The following NBEA variants were observed in gnomAD, a reference collection of about 807,000 sequenced individuals.
NBEA encodes neurobeachin.
NBEA carries 44 observed loss-of-function variants against 343.4 expected under a neutral mutation model. The ratio of observed to expected loss-of-function variants is 0.13; its 90% CI spans 0.10 to 0.16. The LOEUF is 0.16. Among genes scored for constraint, NBEA ranks in the 10% least tolerant of loss-of-function variants. The probability of loss-of-function intolerance (pLI) is 1.00; values close to 1 mark genes in which losing one functional copy is unlikely to be tolerated. For missense variants in NBEA, 2,555 were observed against 3,631.3 expected, an observed-to-expected ratio of 0.70 and a Z score of 7.62; for synonymous variants, 1,175 against 1,238.7, an observed-to-expected ratio of 0.95 and a Z score of 1.08.
At chr13:35,537,552 G>C (rs1012414083) in intron 41 of NBEA, among the ~76,000 whole-genome samples, 2 of 152,154 alleles carry the variant, frequency 1.3e-5, no homozygotes, top group Non-Finnish European at 2.9e-5. Flanking sequence ...AATTACATTT[G>C]CGGTAAGTGC....
Position 35,280,025 on chromosome 13 carries a change from A to G in NBEA, c.5777-10364A>G, listed in dbSNP as rs572226193. Among the ~76,000 whole-genome samples the G allele has an allele frequency of 8.5e-5, 13 of 152,292 alleles. No homozygotes were observed. In the East Asian group the frequency reaches 1.7e-3, roughly 20 times the overall value. On this transcript the variant is annotated intron_variant, in intron 34 of 58. Transcript: ENST00000379939. The stretch of plus-strand genomic sequence containing the variant: ...TATTTTCTAATTTTTAAATTATTTG[A>G]AATTTATTTTAGTAGAGATTTTATT...
chr13:35,475,674 G>A lies in NBEA; in HGVS notation c.6585+3138G>A, dbSNP rs772884089. ...CTCGGATTCTCAGTTTCACTTCGCT[G>A]GTGTCTGCCACCATCTTTACCACAT... On this transcript the variant is annotated intron_variant, in intron 41 of 58. Coordinates refer to ENST00000379939, the MANE Select transcript of NBEA (RefSeq NM_001385012.1). 13 of 1,613,678 alleles carry A rather than the reference G, an allele frequency of 8.1e-6. No individual in the cohort carries two copies. The South Asian group carries it at 1.4e-4, about 18-fold the overall frequency.
At chr13:35,002,168 A>G (rs1593425318) in intron 1 of NBEA, among the ~76,000 whole-genome samples, 1 of 152,200 alleles carries the variant, frequency 6.6e-6, no homozygotes, top group Non-Finnish European at 1.5e-5. Flanking sequence ...ATCTGAGACC[A>G]GCAGTTGCAG....
chr13:35,369,186 G>A (rs543930397), intron 38 of NBEA, among the ~76,000 whole-genome samples: 45 of 129,708 alleles, frequency 3.5e-4, no homozygotes, highest in African/African-American at 1.3e-3. Flanking sequence ...AAGAGAGTGT[G>A]TGTTTGTGAC....
intron 41 of NBEA, among the ~76,000 whole-genome samples, chr13:35,494,718 CCAATAAAAA>C (rs2076614218): frequency 6.6e-6 from 1 of 151,882 alleles, no homozygotes; most frequent in Non-Finnish European, 1.5e-5. Flanking sequence ...ATTAAACAGT[CCAATAAAAA>C]ATCAGAGACA....
rs2079268821 is a variant in NBEA, at chr13:35,550,559, A to G, written c.6668A>G (p.Gln2223Arg). 2 of 1,613,056 alleles carry G rather than the reference A, an allele frequency of 1.2e-6. No homozygotes were observed. Among genetic ancestry groups the G allele is most frequent in the Admixed American group, 1.7e-5 (1 of 59,968 alleles). ...RAVFSRRYLLQNTALEVFMAN... is the reference protein window; with the variant it reads ...RAVFSRRYLLRNTALEVFMAN... ...GTATTTTCAAGACGTTACCTTCTACAAAACACTGCTTTGGAAGTATTTATG... is the reference window on the plus strand; with the variant it reads ...GTATTTTCAAGACGTTACCTTCTACGAAACACTGCTTTGGAAGTATTTATG... Residue 2223 changes from glutamine to arginine, a missense_variant, in exon 42 of 59, where the codon CAA becomes CGA. Coordinates refer to ENST00000379939, the MANE Select transcript of NBEA (RefSeq NM_001385012.1).
chr13:35,506,975 C>CTGTCCCCCT (rs2077094378), intron 41 of NBEA, among the ~76,000 whole-genome samples: 2 of 152,260 alleles, frequency 1.3e-5, no homozygotes, highest in South Asian at 4.1e-4. Context: ...CTTCTGGCTA[C>CTGTCCCCCT]TGTCCCCCTT....
At position 35,022,597 on chromosome 13, in the gene NBEA, T is replaced by C. The variant is rs543834956; in HGVS notation, c.295-18336T>C. 1.7e-3 allele frequency among the ~76,000 whole-genome samples: 263 copies of C among 152,282 alleles called. 1 individual carries two copies. Among genetic ancestry groups the C allele is most frequent in the African/African-American group, 6.2e-3 (256 of 41,578 alleles). The stretch of plus-strand genomic sequence containing the variant: ...ACAATTATCTAAAATTCATTTATTA[T>C]ACATGTTGATGGGGGCAGATCTTAA... On this transcript the variant is annotated intron_variant, in intron 1 of 58. Coordinates refer to ENST00000379939, the MANE Select transcript of NBEA (RefSeq NM_001385012.1).
intron 1 of NBEA, among the ~76,000 whole-genome samples, chr13:35,021,791 T>C (rs1593492043): frequency 1.3e-5 from 2 of 152,298 alleles, no homozygotes; most frequent in South Asian, 4.1e-4. Flanking sequence ...GTTGTTACTG[T>C]TTTTATTTCT....
At chr13:35,294,163 T>C (rs2035965606) in intron 35 of NBEA, among the ~76,000 whole-genome samples, 1 of 152,066 alleles carries the variant, frequency 6.6e-6, no homozygotes, top group Non-Finnish European at 1.5e-5. Flanking sequence ...AAAAAGAATT[T>C]TAGTGACTTC....
In NBEA at chr13:35,501,442, T is replaced by G. The variant is rs549392099; in HGVS notation, c.6585+28906T>G. On this transcript the variant is annotated intron_variant, in intron 41 of 58. Transcript: ENST00000379939. Reference sequence around the variant, plus strand: ...ATATGACTGTTAATCCTCAAGAATATTTGGGCTCTCCATTTTTAAAAATGT... The same window carrying G: ...ATATGACTGTTAATCCTCAAGAATAGTTGGGCTCTCCATTTTTAAAAATGT... 2.0e-5 allele frequency among the ~76,000 whole-genome samples: 3 copies of G among 152,274 alleles called. No individual in the cohort carries two copies. The East Asian group carries it at 5.8e-4, about 29-fold the overall frequency.
intron 2 of NBEA, among the ~76,000 whole-genome samples, chr13:35,044,136 ACACT>A (rs1214527336): frequency 2.0e-5 from 3 of 152,156 alleles, no homozygotes; most frequent in South Asian, 2.1e-4. Context: ...ATGCACATAA[ACACT>A]CACACTAGCA....
intron 17 of NBEA, among the ~76,000 whole-genome samples, chr13:35,135,908 G>A (rs999639789): frequency 6.6e-6 from 1 of 150,562 alleles, no homozygotes; most frequent in Non-Finnish European, 1.5e-5. Context: ...ACCACACCCA[G>A]CCCCCTCCCC....
intron 17 of NBEA, among the ~76,000 whole-genome samples, chr13:35,128,350 A>G (rs1354805878): frequency 6.6e-6 from 1 of 152,210 alleles, no homozygotes; most frequent in African/African-American, 2.4e-5. Flanking sequence ...ATGATAAAAT[A>G]GAAACATTCA....
chr13:35,218,644 A>G (rs960513956), intron 33 of NBEA, among the ~76,000 whole-genome samples: 1 of 151,986 alleles, frequency 6.6e-6, no homozygotes, highest in Non-Finnish European at 1.5e-5. Flanking sequence ...TATTAATTAT[A>G]TATAATTTTC....
At chr13:35,646,156 T>C (rs898845483) in intron 50 of NBEA, 103 bp from the exon 51 acceptor site, 5 of 946,822 alleles carry the variant, frequency 5.3e-6, no homozygotes, top group Admixed American at 2.3e-5. Flanking sequence ...TTTCTGGACT[T>C]TTTTTCATGG....
At chr13:35,127,480 T>C (rs1292388953) in intron 17 of NBEA, among the ~76,000 whole-genome samples, 1 of 152,144 alleles carries the variant, frequency 6.6e-6, no homozygotes, top group Non-Finnish European at 1.5e-5. Flanking sequence ...AATTTACTTT[T>C]TATATATGCT....
Position 34,984,009 on chromosome 13 carries a change from G to A in NBEA, c.294+40895G>A, listed in dbSNP as rs1010359361. Reference sequence around the variant, plus strand: ...TGGTAGTTTCTTTTGCTGTGCAGAAGCTCTTTAGTTTAATTAATTTAGTTT... The same window carrying A: ...TGGTAGTTTCTTTTGCTGTGCAGAAACTCTTTAGTTTAATTAATTTAGTTT... On this transcript the variant is annotated intron_variant, in intron 1 of 58. Coordinates refer to ENST00000379939, the MANE Select transcript of NBEA (RefSeq NM_001385012.1). 3.9e-5 allele frequency among the ~76,000 whole-genome samples: 6 copies of A among 152,082 alleles called. No homozygotes were observed. The East Asian group carries it at 1.2e-3, about 29-fold the overall frequency.
intron 1 of NBEA, among the ~76,000 whole-genome samples, chr13:35,036,479 T>A (rs2062446261): frequency 1.3e-5 from 2 of 152,108 alleles, no homozygotes; most frequent in African/African-American, 4.8e-5. Flanking sequence ...TCTGTGTACT[T>A]ATATTACCAG....
Sources: gnomAD v4.1 joint callset for allele counts (sites outside exome capture counted in the v4.1 genomes callset) on GRCh38, gnomAD v4.1.1 for gene constraint, MANE v1.5 for transcripts, NCBI Gene and HGNC (gene_info 2026-07-23, HGNC 2026-07-21) for gene names.